The following PTPRD variants were observed in gnomAD, a reference collection of about 807,000 sequenced individuals.
PTPRD encodes receptor-type tyrosine-protein phosphatase delta.
A neutral mutation model predicts 214.5 loss-of-function variants in PTPRD; 34 were observed. The observed-to-expected ratio is 0.16, with a 90% CI of 0.12 to 0.21. PTPRD has a LOEUF of 0.21. PTPRD is among the 10% of genes least tolerant of loss of function. PTPRD has a pLI of 1.00. For missense variants in PTPRD, 2,545 were observed against 2,398.7 expected (o/e 1.06, Z -1.27); for synonymous variants, 1,128 against 845.7 (o/e 1.33, Z -5.79).
rs185396312 is a variant in PTPRD, at chr9:10,275,413, A to T, written c.-545+65550T>A. ...TCAGCCTTGGTCAATAAGTAAATAA[A>T]TTGAGAGGGATGAGAGAGAGAAAAA... On this transcript the variant is annotated intron_variant, in intron 3 of 45. Transcript: ENST00000381196. Among the ~76,000 whole-genome samples the T allele has an allele frequency of 1.7e-3, 255 of 152,214 alleles. 1 individual carries two copies. Among genetic ancestry groups the T allele is most frequent in the African/African-American group, 5.5e-3 (229 of 41,546 alleles).
chr9:9,951,728 G>T (rs566178235), intron 4 of PTPRD, among the ~76,000 whole-genome samples: 2 of 152,210 alleles, frequency 1.3e-5, no homozygotes, highest in Non-Finnish European at 2.9e-5. Context: ...TTTGAACGGG[G>T]AAGTATAATT....
At chr9:9,167,458 T>TA (rs1027097441) in intron 10 of PTPRD, among the ~76,000 whole-genome samples, 3 of 151,730 alleles carry the variant, frequency 2.0e-5, no homozygotes. Context: ...AATATCGTGT[T>TA]AAAAAAATAA....
intron 2 of PTPRD, among the ~76,000 whole-genome samples, chr9:10,523,358 T>C (rs114695773): frequency 2.6e-5 from 4 of 151,590 alleles, no homozygotes; most frequent in Non-Finnish European, 5.9e-5. Flanking sequence ...CATGCCTTGA[T>C]ATATTAGGTG....
rs1821316176 is a variant in PTPRD at position 8,315,740 on chromosome 9, A to C, written c.*2134T>G. On this transcript the variant is annotated 3_prime_UTR_variant, in exon 46 of 46. Transcript: ENST00000381196. ...GATTTCACTCTGCTAGCAATGGGAA[A>C]ATGTGGAAAACAAAAATCCTTCCAT... The C allele has an allele frequency of 4.4e-6, 1 of 229,140 alleles. No homozygotes were observed. 14.2% of individuals were successfully genotyped at this position (229,140 alleles called of 1,614,324 possible).
chr9:9,911,427 G>C (rs1367271688), intron 5 of PTPRD, among the ~76,000 whole-genome samples: 1 of 147,398 alleles, frequency 6.8e-6, no homozygotes, highest in Admixed American at 6.9e-5. Context: ...ATTTAGAAAC[G>C]CAAATACACA....
At chr9:9,646,289 C>G (rs1043120141) in intron 7 of PTPRD, among the ~76,000 whole-genome samples, 2 of 149,138 alleles carry the variant, frequency 1.3e-5, no homozygotes, top group African/African-American at 5.0e-5. Flanking sequence ...TGTAGGGTGA[C>G]CATTTTGGGA....
chr9:9,696,022 G>C (rs183611012), intron 7 of PTPRD, among the ~76,000 whole-genome samples: 1 of 151,938 alleles, frequency 6.6e-6, no homozygotes, highest in Non-Finnish European at 1.5e-5. Flanking sequence ...ATTAGGTCCT[G>C]GGCTCTTTTT....
chr9:10,430,084 T>C (rs1268487153), intron 2 of PTPRD, among the ~76,000 whole-genome samples: 2 of 152,012 alleles, frequency 1.3e-5, no homozygotes, highest in Non-Finnish European at 2.9e-5. Context: ...ATGTTCTCCA[T>C]AAATGCCTCA....
chr9:8,321,228 G>C (rs1320912489), intron 44 of PTPRD, among the ~76,000 whole-genome samples: 1 of 151,386 alleles, frequency 6.6e-6, no homozygotes, highest in Non-Finnish European at 1.5e-5. Context: ...AATGATCTAG[G>C]TACTCCAGAG....
chr9:10,375,525 T>C (rs942096383), intron 2 of PTPRD, among the ~76,000 whole-genome samples: 49 of 152,142 alleles, frequency 3.2e-4, no homozygotes, highest in African/African-American at 1.2e-3. Flanking sequence ...AGACATGCGA[T>C]GAATCCCAAA....
At chr9:10,022,527 A>T (rs1443753145) in intron 4 of PTPRD, among the ~76,000 whole-genome samples, 2 of 152,222 alleles carry the variant, frequency 1.3e-5, no homozygotes, top group Admixed American at 1.3e-4. Flanking sequence ...GGTTTTTGCC[A>T]TTGAAAGTAA....
intron 4 of PTPRD, among the ~76,000 whole-genome samples, chr9:9,941,398 C>T (rs539146429): frequency 6.6e-6 from 1 of 152,310 alleles, no homozygotes. Flanking sequence ...TCTCAGCTCG[C>T]TGCAATTTCT....
At chr9:8,637,316 G>A (rs1005909644) in intron 12 of PTPRD, among the ~76,000 whole-genome samples, 5 of 152,126 alleles carry the variant, frequency 3.3e-5, no homozygotes, top group Admixed American at 2.6e-4. Context: ...ATTTTAAAGA[G>A]ACAAGAAATA....
intron 5 of PTPRD, among the ~76,000 whole-genome samples, chr9:9,792,362 T>A (rs191389233): frequency 6.6e-6 from 1 of 152,128 alleles, no homozygotes; most frequent in Non-Finnish European, 1.5e-5. Flanking sequence ...AAAGGAAGGG[T>A]AGAAGGAAGC....
intron 3 of PTPRD, among the ~76,000 whole-genome samples, chr9:10,076,608 G>A (rs967398558): frequency 6.6e-6 from 1 of 152,076 alleles, no homozygotes; most frequent in South Asian, 2.1e-4. Context: ...AGGTCTGTCA[G>A]CTCCTCTCAC....
chr9:9,927,903 C>T lies in PTPRD; in HGVS notation c.-368+10604G>A, dbSNP rs74673855. On this transcript the variant is annotated intron_variant, in intron 5 of 45. Transcript: ENST00000381196. ...GAAGAAAATGCAGTTGAGAGGTTGG[C>T]GAGTAGAAAGCTAATTCACTCAGAT... Among the ~76,000 whole-genome samples, 328 of 152,098 alleles carry T rather than the reference C, an allele frequency of 2.2e-3. 3 individuals carry two copies. The highest frequency in any genetic ancestry group is 7.3e-3 in the African/African-American group (302 of 41,526).
Position 10,576,509 on chromosome 9 carries a change from T to C in PTPRD, c.-600+35889A>G, listed in dbSNP as rs569157042. Among the ~76,000 whole-genome samples the C allele has an allele frequency of 1.8e-4, 27 of 152,252 alleles. No individual in the cohort carries two copies. The East Asian group carries it at 5.2e-3, about 29-fold the overall frequency. ...GCTGACTGTTATTGCAAAAACATAA[T>C]GTTGCACAGTGAAATAAGGTGACTG... On this transcript the variant is annotated intron_variant, in intron 2 of 45. Coordinates refer to ENST00000381196, the MANE Select transcript of PTPRD (RefSeq NM_002839.4).
Position 9,289,941 on chromosome 9 carries a change from G to A in PTPRD, c.-202-106578C>T, listed in dbSNP as rs78420065. 5.0e-3 allele frequency among the ~76,000 whole-genome samples: 757 copies of A among 151,800 alleles called. 9 individuals are homozygous for A. Among genetic ancestry groups the A allele is most frequent in the African/African-American group, 0.017 (711 of 41,494 alleles). The stretch of plus-strand genomic sequence containing the variant: ...CATAGCACTGCAGATATTATTTCAA[G>A]AACCTGACTTCACTTCCTTTGGATA... On this transcript the variant is annotated intron_variant, in intron 9 of 45. Coordinates refer to ENST00000381196, the MANE Select transcript of PTPRD (RefSeq NM_002839.4).
intron 3 of PTPRD, among the ~76,000 whole-genome samples, chr9:10,255,615 AC>A (rs113305185): frequency 0.16 from 23,890 of 152,146 alleles, 1,987 homozygotes; most frequent in African/African-American, 0.2. Context: ...GAAAATGTAT[AC>A]AAAAATATTT....
Sources: allele counts gnomAD v4.1 joint callset (sites outside exome capture counted in the v4.1 genomes callset), GRCh38; gene constraint gnomAD v4.1.1; transcripts MANE v1.5; gene names NCBI Gene and HGNC (gene_info 2026-07-23, HGNC 2026-07-21).